Variants in NYAP2 observed in about 807,000 individuals in gnomAD.
NYAP2 encodes neuronal tyrosine-phosphorylated phosphoinositide-3-kinase adapter 2.
In NYAP2, 23 loss-of-function variants were observed where a neutral mutation model predicts 50.4. The ratio of observed to expected loss-of-function variants is 0.46; its 90% CI spans 0.33 to 0.65. The LOEUF is 0.65. NYAP2 is among the 30% of genes least tolerant of loss of function. The pLI is 0.02. For missense variants in NYAP2, 885 were observed against 861.0 expected (o/e 1.03, Z -0.35); for synonymous variants, 394 against 365.2 (o/e 1.08, Z -0.90).
intron 3 of NYAP2, among the ~76,000 whole-genome samples, chr2:225,416,331 C>T (rs938620291): frequency 4.6e-5 from 7 of 152,010 alleles, no homozygotes; most frequent in African/African-American, 1.7e-4. Flanking sequence ...CTTTATTGAG[C>T]CAGAAGTTTA....
intron 3 of NYAP2, among the ~76,000 whole-genome samples, chr2:225,446,324 G>T (rs1689564882): frequency 7.2e-6 from 1 of 139,092 alleles, no homozygotes; most frequent in South Asian, 2.4e-4. Context: ...TGTTACTATT[G>T]TTCATTCATT....
At chr2:225,461,586 T>C (rs893931966) in intron 3 of NYAP2, among the ~76,000 whole-genome samples, 1 of 152,250 alleles carries the variant, frequency 6.6e-6, no homozygotes, top group East Asian at 1.9e-4. Flanking sequence ...TTCAGATGTC[T>C]CTGTCCTACT....
intron 3 of NYAP2, among the ~76,000 whole-genome samples, chr2:225,459,627 T>C (rs1267659251): frequency 2.0e-5 from 3 of 151,776 alleles, no homozygotes; most frequent in African/African-American, 7.3e-5. Context: ...CCTCTATTTA[T>C]TTATTTATTT....
At chr2:225,416,766 C>A (rs1219664117) in intron 3 of NYAP2, among the ~76,000 whole-genome samples, 1 of 152,092 alleles carries the variant, frequency 6.6e-6, no homozygotes, top group Non-Finnish European at 1.5e-5. Flanking sequence ...TTTTAAGAAG[C>A]TCAGTATCTG....
intron 5 of NYAP2, among the ~76,000 whole-genome samples, chr2:225,585,057 C>T (rs1220865512): frequency 6.6e-6 from 1 of 152,186 alleles, no homozygotes; most frequent in African/African-American, 2.4e-5. Context: ...CACACAGACA[C>T]AAAGAATGAT....
intron 3 of NYAP2, among the ~76,000 whole-genome samples, chr2:225,446,960 T>C (rs1301297197): frequency 6.6e-6 from 1 of 152,078 alleles, no homozygotes; most frequent in Non-Finnish European, 1.5e-5. Context: ...AAGCAGACAG[T>C]GTCTCTTTCA....
chr2:225,645,976 T>G (rs1337489052), intron 6 of NYAP2, among the ~76,000 whole-genome samples: 1 of 152,180 alleles, frequency 6.6e-6, no homozygotes, highest in African/African-American at 2.4e-5. Flanking sequence ...ATTCTTTTGG[T>G]CAAGTTAGTT....
upstream of NYAP2, among the ~76,000 whole-genome samples, chr2:225,398,485 A>G (rs939504223): frequency 1.3e-5 from 2 of 151,998 alleles, no homozygotes; most frequent in Non-Finnish European, 2.9e-5. Context: ...GAAAGACAAC[A>G]TCTATGAGAA....
At chr2:225,474,035 C>T (rs967206389) in intron 3 of NYAP2, among the ~76,000 whole-genome samples, 18 of 152,290 alleles carry the variant, frequency 1.2e-4, no homozygotes, top group African/African-American at 4.1e-4. Context: ...TATGGCTAGC[C>T]AGTTTTCCCA....
At chr2:225,507,195 G>T (rs1001757869) in intron 3 of NYAP2, among the ~76,000 whole-genome samples, 6 of 152,122 alleles carry the variant, frequency 3.9e-5, no homozygotes, top group African/African-American at 1.4e-4. Context: ...TCTATCTGGG[G>T]TGGGATTATA....
Position 225,582,603 on chromosome 2 carries a change from G to A in NYAP2, c.1186G>A (p.Glu396Lys). ...CCCCGGCCATGCGAAACTGGAGAAAGAGCAGGCCGCGGCCCTGGGACCTGC... is the reference window on the plus strand; with the variant it reads ...CCCCGGCCATGCGAAACTGGAGAAAAAGCAGGCCGCGGCCCTGGGACCTGC... The change falls in exon 5 of 7, where the codon GAG becomes AAG. Residue 396 changes from glutamate (E) to lysine (K), a missense_variant. Transcript: ENST00000636099. The surrounding 1 kb of genome is among the most constrained non-coding windows in gnomAD (Gnocchi z 7.0). The A allele has an allele frequency of 6.3e-7, 1 of 1,595,610 alleles. No homozygotes were observed. Among genetic ancestry groups the A allele is most frequent in the Non-Finnish European group, 8.5e-7 (1 of 1,171,836 alleles).
At chr2:225,460,660 A>C (rs1689813786) in intron 3 of NYAP2, among the ~76,000 whole-genome samples, 1 of 152,136 alleles carries the variant, frequency 6.6e-6, no homozygotes, top group African/African-American at 2.4e-5. Flanking sequence ...TGCCAGAGAG[A>C]GAAAGTGTTT....
intron 5 of NYAP2, among the ~76,000 whole-genome samples, chr2:225,596,815 T>C (rs957174160): frequency 1.3e-5 from 2 of 152,124 alleles, no homozygotes; most frequent in Admixed American, 6.6e-5. Context: ...CCATTACTGA[T>C]TGGGGAAAGC....
chr2:225,509,254 A>G (rs761729230), intron 3 of NYAP2, among the ~76,000 whole-genome samples: 6 of 152,162 alleles, frequency 3.9e-5, no homozygotes, highest in Non-Finnish European at 8.8e-5. Context: ...ATGACCTTTC[A>G]AAGTCACATT....
chr2:225,644,757 T>C (rs1477378718), intron 6 of NYAP2, among the ~76,000 whole-genome samples: 1 of 148,802 alleles, frequency 6.7e-6, no homozygotes, highest in Non-Finnish European at 1.5e-5. Flanking sequence ...GTTGTAGATA[T>C]GCGGCGTTAT....
At chr2:225,683,261 G>A in the NYAP2 span, among the ~76,000 whole-genome samples, 1 of 152,194 alleles carries the variant, frequency 6.6e-6, no homozygotes, top group African/African-American at 2.4e-5. Flanking sequence ...TGAGAATAAT[G>A]CCATGACCCA....
exon 7 of NYAP2, chr2:225,652,284 A>G (rs1693745527): frequency 6.6e-6 from 1 of 152,192 alleles, no homozygotes; most frequent in Non-Finnish European, 1.5e-5. Flanking sequence ...TAAATGAATG[A>G]CTTTTCTCTC....
chr2:225,415,439 T>A (rs767552011), intron 3 of NYAP2, among the ~76,000 whole-genome samples: 11 of 152,178 alleles, frequency 7.2e-5, no homozygotes, highest in Non-Finnish European at 1.5e-4. Flanking sequence ...AAATGACTAC[T>A]TTACCCAAAG....
chr2:225,622,274 C>G (rs896879773), intron 5 of NYAP2, among the ~76,000 whole-genome samples: 24 of 152,136 alleles, frequency 1.6e-4, no homozygotes, highest in African/African-American at 5.6e-4. Flanking sequence ...TCAAATGATC[C>G]TCCTGTTTTG....
Sources: gnomAD v4.1 joint callset for allele counts (sites outside exome capture counted in the v4.1 genomes callset) on GRCh38, gnomAD v4.1.1 for gene constraint, Gnocchi (gnomAD v3.1) non-coding constraint, MANE v1.5 for transcripts, NCBI Gene and HGNC (gene_info 2026-07-23, HGNC 2026-07-21) for gene names.